Variants in HS6ST3 observed in about 807,000 individuals in gnomAD.
HS6ST3 encodes heparan sulfate 6-O-sulfotransferase 3, also known as heparan-sulfate 6-O-sulfotransferase 3.
A neutral mutation model predicts 36.7 loss-of-function variants in HS6ST3; 12 were observed. That is an observed-to-expected ratio of 0.33 (90% CI 0.21 to 0.53). HS6ST3 has a LOEUF of 0.53. Ranked by LOEUF, HS6ST3 falls within the 20% of genes least tolerant of loss-of-function variation. HS6ST3 has a pLI of 0.95. For synonymous variants in HS6ST3, 240 were observed against 257.5 expected, an observed-to-expected ratio of 0.93 and a Z score of 0.65; for missense variants, 584 against 640.9, an observed-to-expected ratio of 0.91 and a Z score of 0.96.
chr13:96,381,402 GTATCTATGTATCTATCTATCTATC>G (rs2055340392), intron 1 of HS6ST3, among the ~76,000 whole-genome samples: 1 of 54,646 alleles, frequency 1.8e-5, no homozygotes, highest in Non-Finnish European at 5.1e-5. Context: ...ATGTATCTAT[GTATCTATGTATCTATCTATCTATC>G]TATCTATCTA....
chr13:96,620,152 G>A (rs1050755872), intron 1 of HS6ST3, among the ~76,000 whole-genome samples: 7 of 152,198 alleles, frequency 4.6e-5, no homozygotes, highest in African/African-American at 1.7e-4. Context: ...GTGATTTAAA[G>A]CACCCAAAAC....
chr13:96,259,102 C>G (rs936495477), intron 1 of HS6ST3, among the ~76,000 whole-genome samples: 17 of 152,220 alleles, frequency 1.1e-4, no homozygotes, highest in Admixed American at 3.9e-4. Context: ...TTGCTGTAAA[C>G]TGCAAGCACT....
chr13:96,314,555 G>A (rs927159304), intron 1 of HS6ST3, among the ~76,000 whole-genome samples: 3 of 152,106 alleles, frequency 2.0e-5, no homozygotes, highest in Non-Finnish European at 4.4e-5. Context: ...AATAGATAAA[G>A]CAGTCTATAT....
At chr13:96,799,278 TC>T (rs1877983776) in intron 1 of HS6ST3, among the ~76,000 whole-genome samples, 1 of 152,054 alleles carries the variant, frequency 6.6e-6, no homozygotes, top group Non-Finnish European at 1.5e-5. Context: ...ACCTGTTGTT[TC>T]CTGACTTTTT....
At chr13:96,097,134 A>G (rs1399812537) in intron 1 of HS6ST3, among the ~76,000 whole-genome samples, 1 of 152,160 alleles carries the variant, frequency 6.6e-6, no homozygotes, top group Non-Finnish European at 1.5e-5. Flanking sequence ...GGAAGTGGTA[A>G]ATGGTAATAG....
intron 1 of HS6ST3, among the ~76,000 whole-genome samples, chr13:96,145,659 T>G (rs989571717): frequency 1.4e-4 from 21 of 152,144 alleles, no homozygotes; most frequent in Non-Finnish European, 2.2e-4. Context: ...TTAGTTTAAT[T>G]AGATCCCATT....
At chr13:96,577,572 C>T (rs2056326431) in intron 1 of HS6ST3, among the ~76,000 whole-genome samples, 1 of 152,068 alleles carries the variant, frequency 6.6e-6, no homozygotes, top group Non-Finnish European at 1.5e-5. Flanking sequence ...TTTCTGGTTC[C>T]AGATTCTTGA....
intron 1 of HS6ST3, among the ~76,000 whole-genome samples, chr13:96,659,710 C>G (rs945586927): frequency 2.6e-5 from 4 of 151,960 alleles, no homozygotes; most frequent in African/African-American, 4.8e-5. Flanking sequence ...TTTTTGGTCT[C>G]ATATAGCTAT....
chr13:96,582,054 A>G (rs776250970), intron 1 of HS6ST3, among the ~76,000 whole-genome samples: 5 of 152,234 alleles, frequency 3.3e-5, no homozygotes, highest in Non-Finnish European at 7.3e-5. Context: ...GAGCAAATGC[A>G]GATCTGGTGT....
chr13:96,329,525 G>C (rs1295489961), intron 1 of HS6ST3, among the ~76,000 whole-genome samples: 1 of 147,826 alleles, frequency 6.8e-6, no homozygotes, highest in Non-Finnish European at 1.5e-5. Context: ...GTTCTAGTTT[G>C]ATTGCGCTGT....
At chr13:96,781,519 C>G (rs1362219258) in intron 1 of HS6ST3, among the ~76,000 whole-genome samples, 1 of 152,212 alleles carries the variant, frequency 6.6e-6, no homozygotes, top group African/African-American at 2.4e-5. Context: ...CCTCACTGAT[C>G]TTGATATTCA....
chr13:96,115,561 C>T (rs1236114347), intron 1 of HS6ST3, among the ~76,000 whole-genome samples: 1 of 152,178 alleles, frequency 6.6e-6, no homozygotes. Context: ...ATCTGTGTCC[C>T]TGCAAAGGGC....
intron 1 of HS6ST3, among the ~76,000 whole-genome samples, chr13:96,176,145 A>G (rs1276932169): frequency 6.6e-6 from 1 of 152,144 alleles, no homozygotes; most frequent in East Asian, 1.9e-4. Context: ...ATTTAAATCT[A>G]TGATTTTATA....
Position 96,790,751 on chromosome 13 carries a change from G to A in HS6ST3, c.708-41739G>A, listed in dbSNP as rs563138657. Among the ~76,000 whole-genome samples, 3 of 152,126 alleles carry A rather than the reference G, an allele frequency of 2.0e-5. No individual in the cohort carries two copies. The East Asian group carries it at 5.8e-4, about 29-fold the overall frequency. On this transcript the variant is annotated intron_variant, in intron 1 of 1. Transcript: ENST00000376705. ...ATACACATTCTCGGATCCTGTGCAG[G>A]AAGGTTTGCATAATATGTCTCGATA...
rs544023727 is a variant in HS6ST3 at position 96,481,858 on chromosome 13, A to T, written c.708-350632A>T. Among the ~76,000 whole-genome samples the T allele has an allele frequency of 4.5e-3, 681 of 151,944 alleles. 4 individuals are homozygous for T. The highest frequency in any genetic ancestry group is 7.2e-3 in the Non-Finnish European group (492 of 67,954). The stretch of plus-strand genomic sequence containing the variant: ...TCGGAGCTCCAAAGGAAAACTAATT[A>T]TTTTTCAAAATTCTCCTTCTCTGGC... On this transcript the variant is annotated intron_variant, in intron 1 of 1. Coordinates refer to ENST00000376705, the MANE Select transcript of HS6ST3 (RefSeq NM_153456.4).
At chr13:96,505,099 TC>T (rs1389023843) in intron 1 of HS6ST3, among the ~76,000 whole-genome samples, 2 of 152,180 alleles carry the variant, frequency 1.3e-5, no homozygotes, top group African/African-American at 4.8e-5. Flanking sequence ...TCCAGAATTT[TC>T]TAAATGATCT....
intron 1 of HS6ST3, among the ~76,000 whole-genome samples, chr13:96,110,001 A>G (rs1174573216): frequency 3.9e-5 from 6 of 152,244 alleles, no homozygotes; most frequent in Non-Finnish European, 7.3e-5. Flanking sequence ...GCTGCAAAGC[A>G]CAGAGGCAGA....
chr13:96,201,351 C>T (rs2054340952), intron 1 of HS6ST3, among the ~76,000 whole-genome samples: 2 of 151,756 alleles, frequency 1.3e-5, no homozygotes, highest in South Asian at 4.2e-4. Context: ...TAGATTAGGC[C>T]AGTTGGGATA....
intron 1 of HS6ST3, among the ~76,000 whole-genome samples, chr13:96,665,035 G>A (rs1162145504): frequency 6.6e-6 from 1 of 152,054 alleles, no homozygotes; most frequent in Non-Finnish European, 1.5e-5. Flanking sequence ...TGCTGGGCAT[G>A]GTGGTGTATG....
Sources: gnomAD v4.1 joint callset for allele counts (sites outside exome capture counted in the v4.1 genomes callset) on GRCh38, gnomAD v4.1.1 for gene constraint, MANE v1.5 for transcripts, NCBI Gene and HGNC (gene_info 2026-07-23, HGNC 2026-07-21) for gene names.